Variants in LAMC1 observed in about 807,000 individuals in gnomAD.
LAMC1 encodes laminin subunit gamma-1.
LAMC1 carries 38 observed loss-of-function variants against 173.6 expected under a neutral mutation model. The ratio of observed to expected loss-of-function variants is 0.22; its 90% confidence interval spans 0.17 to 0.29. The LOEUF is 0.29. Among genes scored for constraint, LAMC1 ranks in the 10% least tolerant of loss-of-function variants. The pLI is 1.00. For synonymous variants in LAMC1, 746 were observed against 749.1 expected, an observed-to-expected ratio of 1.00 and a Z score of 0.07; for missense variants, 1,824 against 2,051.8, an observed-to-expected ratio of 0.89 and a Z score of 2.14.
chr1:183,105,908 A>G (rs1463709386), intron 2 of LAMC1, among the ~76,000 whole-genome samples: 1 of 152,234 alleles, frequency 6.6e-6, no homozygotes, highest in Non-Finnish European at 1.5e-5. Flanking sequence ...TATAAGTATT[A>G]CTAAGCATGT....
intron 1 of LAMC1, among the ~76,000 whole-genome samples, chr1:183,093,929 T>G (rs965876817): frequency 6.6e-6 from 1 of 152,226 alleles, no homozygotes; most frequent in African/African-American, 2.4e-5. Context: ...TCATCCCTTC[T>G]GTAGTCTTTG....
Position 183,023,695 on chromosome 1 carries a change from G to A in LAMC1, c.-22G>A. Reference sequence around the variant, plus strand: ...GCGCCGGTGCCCTTGCCTTCGCCGTGACCCAGCGTGCGGGCGGCGGGATGA... The same window carrying A: ...GCGCCGGTGCCCTTGCCTTCGCCGTAACCCAGCGTGCGGGCGGCGGGATGA... On this transcript the variant is annotated 5_prime_UTR_variant, in exon 1 of 28. Coordinates refer to ENST00000258341, the MANE Select transcript of LAMC1 (RefSeq NM_002293.4). 1 of 1,170,992 alleles carries A rather than the reference G, an allele frequency of 8.5e-7. No homozygotes were observed. The highest frequency in any genetic ancestry group is 1.1e-6 in the Non-Finnish European group (1 of 945,604). 72.5% of individuals were successfully genotyped at this position (1,170,992 alleles called of 1,614,324 possible). A position where few individuals can be genotyped will look rare whatever the true frequency, so the allele number is the denominator to read the frequency against.
At chr1:183,120,028 G>T (rs1656426343) in intron 11 of LAMC1, among the ~76,000 whole-genome samples, 2 of 151,974 alleles carry the variant, frequency 1.3e-5, no homozygotes, top group African/African-American at 4.8e-5. Flanking sequence ...AATTAGCTGG[G>T]CATGGTGGCA....
At chr1:183,101,077 G>A (rs1302985011) in intron 1 of LAMC1, among the ~76,000 whole-genome samples, 2 of 152,078 alleles carry the variant, frequency 1.3e-5, no homozygotes, top group African/African-American at 4.8e-5. Flanking sequence ...TGCCTTGATT[G>A]ATTTTACCTT....
intron 1 of LAMC1, among the ~76,000 whole-genome samples, chr1:183,041,901 G>A (rs1654144325): frequency 6.6e-6 from 1 of 152,184 alleles, no homozygotes; most frequent in Admixed American, 6.5e-5. Context: ...GAATGCAGAT[G>A]AGTGCAAGAA....
At chr1:183,134,861 C>T in intron 23 of LAMC1, 52 bp downstream of exon 23, 1 of 1,550,698 alleles carries the variant, frequency 6.4e-7, no homozygotes, top group Non-Finnish European at 8.8e-7. Flanking sequence ...TTTGAACAGT[C>T]CAAATGGGTC....
chr1:183,134,984 A>G (rs1239184440), intron 23 of LAMC1, 58 bp from the exon 24 acceptor site: 3 of 1,438,948 alleles, frequency 2.1e-6, no homozygotes, highest in Non-Finnish European at 2.9e-6. Flanking sequence ...TTGTCTGTCC[A>G]GGAGACAGAA....
intron 1 of LAMC1, among the ~76,000 whole-genome samples, chr1:183,072,651 C>G (rs896751575): frequency 1.3e-5 from 2 of 152,192 alleles, no homozygotes; most frequent in Admixed American, 6.5e-5. Context: ...CAGTCTGTGG[C>G]CTGTTAGGAA....
chr1:183,105,407 AAGAAC>A (rs1157342459), intron 2 of LAMC1, among the ~76,000 whole-genome samples: 5 of 137,768 alleles, frequency 3.6e-5, no homozygotes, highest in African/African-American at 1.4e-4. Context: ...CAACAATAGA[AAGAAC>A]AGAGAAAGAA....
chr1:183,053,746 C>T (rs1356202688), intron 1 of LAMC1, among the ~76,000 whole-genome samples: 1 of 152,134 alleles, frequency 6.6e-6, no homozygotes, highest in Non-Finnish European at 1.5e-5. Flanking sequence ...GTGCTTCAGC[C>T]TCTTGAGTAG....
chr1:183,046,152 T>C (rs576267239), intron 1 of LAMC1, among the ~76,000 whole-genome samples: 3 of 152,260 alleles, frequency 2.0e-5, no homozygotes, highest in Admixed American at 6.5e-5. Flanking sequence ...TTGAGTCTTA[T>C]GTAAGAAGTC....
intron 1 of LAMC1, among the ~76,000 whole-genome samples, chr1:183,059,090 C>T (rs892822209): frequency 6.6e-5 from 10 of 152,132 alleles, no homozygotes; most frequent in South Asian, 2.1e-4. Flanking sequence ...CAGCCTAGTG[C>T]GTGTGTATTT....
At chr1:183,039,539 A>G (rs1422381102) in intron 1 of LAMC1, among the ~76,000 whole-genome samples, 1 of 152,214 alleles carries the variant, frequency 6.6e-6, no homozygotes, top group African/African-American at 2.4e-5. Flanking sequence ...AAATTTGTTT[A>G]TTATCAGGAT....
chr1:183,039,293 AAG>A (rs796958105), intron 1 of LAMC1, among the ~76,000 whole-genome samples: 8 of 152,186 alleles, frequency 5.3e-5, no homozygotes, highest in African/African-American at 1.9e-4. Flanking sequence ...TAGAAACCAA[AAG>A]AGCAATTGTG....
chr1:183,024,039 ACTACAACAACCAGG>A lies in LAMC1; in HGVS notation c.325_338del (p.Tyr109ArgfsTer31). The A allele has an allele frequency of 1.2e-6, 2 of 1,612,866 alleles. No homozygotes were observed. The highest frequency in any genetic ancestry group is 1.7e-6 in the Non-Finnish European group (2 of 1,179,756). ...CAGCACGGGGCAGCCTTCCTGACCGACTACAACAACCAGGCCGACACCACCTGGTGGCAAAGCCA... is the reference window on the plus strand; with the variant it reads ...CAGCACGGGGCAGCCTTCCTGACCGACCGACACCACCTGGTGGCAAAGCCA... On this transcript the variant is annotated frameshift_variant, in exon 1 of 28. Transcript: ENST00000258341. LOFTEE classifies it high-confidence loss of function.
intron 1 of LAMC1, among the ~76,000 whole-genome samples, chr1:183,087,169 T>G (rs1385205315): frequency 6.6e-6 from 1 of 152,232 alleles, no homozygotes; most frequent in Non-Finnish European, 1.5e-5. Flanking sequence ...TCTTCAGTAC[T>G]CAGCCTATTG....
intron 25 of LAMC1, 111 bp from the exon 26 acceptor site, chr1:183,137,558 T>A: frequency 3.5e-6 from 2 of 574,954 alleles, no homozygotes; most frequent in Non-Finnish European, 5.6e-6. Context: ...AATATATTAT[T>A]ATTTCTGGAT....
chr1:183,125,791 C>T (rs1256138285), intron 15 of LAMC1, among the ~76,000 whole-genome samples: 1 of 152,088 alleles, frequency 6.6e-6, no homozygotes, highest in South Asian at 2.1e-4. Context: ...CACAAATTGC[C>T]GGGTCCTTTC....
intron 1 of LAMC1, among the ~76,000 whole-genome samples, chr1:183,081,133 T>C (rs1214104135): frequency 6.6e-6 from 1 of 151,956 alleles, no homozygotes; most frequent in Non-Finnish European, 1.5e-5. Flanking sequence ...GTGATCCGCC[T>C]GCATCGGCCT....
Sources: gnomAD v4.1 joint callset for allele counts (sites outside exome capture counted in the v4.1 genomes callset) on GRCh38, gnomAD v4.1.1 for gene constraint, MANE v1.5 for transcripts, NCBI Gene and HGNC (gene_info 2026-07-23, HGNC 2026-07-21) for gene names.